Variants in TAOK2 observed in about 807,000 individuals in gnomAD.
The protein encoded by TAOK2 is TAO kinase 2.
TAOK2 carries 42 observed loss-of-function variants against 122.5 expected under a neutral mutation model. The observed-to-expected ratio is 0.34, with a 90% CI of 0.27 to 0.44. The LOEUF (loss-of-function observed/expected upper bound fraction) is 0.44, where lower values mean the gene tolerates loss of function less well. Ranked by LOEUF, TAOK2 falls within the 20% of genes least tolerant of loss-of-function variation. The pLI is 1.00. For missense variants in TAOK2, 1,264 were observed against 1,644.9 expected, an observed-to-expected ratio of 0.77 and a Z score of 4.01; for synonymous variants, 704 against 677.6, an observed-to-expected ratio of 1.04 and a Z score of -0.61.
Position 29,987,447 on chromosome 16 carries a change from C to T in TAOK2, c.3175C>T (p.Pro1059Ser). Residue 1059 changes from proline (P) to serine (S), a missense_variant, in exon 16 of 16, where the codon CCT (proline) becomes TCT (serine). Around this residue, in one of 4 missense-constraint regions of TAOK2, gnomAD observed 824 missense variants for 908.7 expected, o/e 0.91. Transcript: ENST00000308893. ...WLLAWPGLAL[P>S]LVAMAAGGRW... ...CTTAGCTTGGCCAGGCCTAGCTCTACCTCTGGTGGCTATGGCAGCGGGGGG... is the reference window on the plus strand; with the variant it reads ...CTTAGCTTGGCCAGGCCTAGCTCTATCTCTGGTGGCTATGGCAGCGGGGGG... 3 of 1,599,514 alleles carry T rather than the reference C, an allele frequency of 1.9e-6. No individual in the cohort carries two copies. Among genetic ancestry groups the T allele is most frequent in the Non-Finnish European group, 2.6e-6 (3 of 1,170,746 alleles).
Position 29,979,132 on chromosome 16 carries a change from T to G in TAOK2, c.449+62T>G. ...CTATCTGCACCACCTGTCACTTAGC[T>G]GGGCTGCCCCTGCCTAGCTTTCTTG... On this transcript the variant is annotated intron_variant, in intron 6 of 15. Transcript: ENST00000308893. The surrounding 1 kb of genome is among the most constrained non-coding windows in gnomAD (Gnocchi z 4.1). 1 of 1,613,218 alleles carries G rather than the reference T, an allele frequency of 6.2e-7. No homozygotes were observed. The highest frequency in any genetic ancestry group is 8.5e-7 in the Non-Finnish European group (1 of 1,179,188).
rs2069387530 is a variant in TAOK2, at chr16:29,974,312, G to T, written c.-372G>T. The T allele has an allele frequency of 6.5e-6, 1 of 152,672 alleles. No individual in the cohort carries two copies. The highest frequency in any genetic ancestry group is 2.4e-5 in the African/African-American group (1 of 41,450). The allele number at this position is 152,672 out of a possible 1,614,324, so 9.5% of individuals were successfully genotyped here. On this transcript the variant is annotated 5_prime_UTR_variant, in exon 1 of 16. Transcript: ENST00000308893. ...TCAAATATCAGGTTCAGGCCCCTGC[G>T]TGCACCAGTATCCGGGGTTCATTCC...
chr16:29,990,507 AT>A (rs1201170222), downstream of TAOK2: 4 of 283,602 alleles, frequency 1.4e-5, no homozygotes, highest in Non-Finnish European at 2.6e-5. Flanking sequence ...CTGTACCATA[AT>A]TTATTTAACC....
chr16:29,987,406 T>G lies in TAOK2; in HGVS notation c.3134T>G (p.Leu1045Arg). 6.2e-7 allele frequency: 1 copy of G among 1,607,016 alleles called. No homozygotes were observed. The highest frequency in any genetic ancestry group is 1.1e-5 in the South Asian group (1 of 90,656). The change falls in exon 16 of 16, where the codon CTT becomes CGT. Residue 1045 changes from leucine (L) to arginine (R), a missense_variant. Leu to Arg is a moderately radical substitution (Grantham distance 102). This residue lies in a region of TAOK2 where 824 missense variants were observed against 908.7 expected (regional missense o/e 0.91). Transcript: ENST00000308893. ...GGCCTCATGGGTGTTCCCCTGGGCC[T>G]TGGAGCTGCCTGGCTCTTAGCTTGG... Reference protein sequence around the residue: ...RRGLMGVPLGLGAAWLLAWPG... With the variant: ...RRGLMGVPLGRGAAWLLAWPG...
Position 29,979,005 on chromosome 16 carries a change from C to T in TAOK2, c.384C>T (p.Ile128=), listed in dbSNP as rs1011588271. ...VHKKPLQEVE[I]AAVTHGALQG... is the part of the protein sequence containing the mutation. ...AGAAACCCCTTCAGGAGGTAGAGAT[C>T]GCAGCTGTGACCCACGGGGCGCTTC... Residue 128 remains isoleucine, a synonymous_variant, in exon 6 of 16, where the codon ATC becomes ATT. Transcript: ENST00000308893. This position sits in a 1 kb window ranked among gnomAD's most constrained non-coding sequence, Gnocchi z 4.1. The T allele has an allele frequency of 4.0e-5, 65 of 1,614,034 alleles. No individual in the cohort carries two copies. Among genetic ancestry groups the T allele is most frequent in the Non-Finnish European group, 4.9e-5 (58 of 1,180,030 alleles).
At chr16:29,990,669 A>G, downstream of TAOK2, 1 of 986,380 alleles carries the variant, frequency 1.0e-6, no homozygotes, top group Non-Finnish European at 1.5e-6. Context: ...TTCCATTCTG[A>G]TAGATGTTGA....
In TAOK2 at chr16:29,985,461, C is replaced by G. The variant is rs1442349143; in HGVS notation, c.1671C>G (p.Ala557=). The G allele has an allele frequency of 5.6e-6, 9 of 1,612,364 alleles. No individual in the cohort carries two copies. In the African/African-American group the frequency reaches 1.2e-4, roughly 22 times the overall value. Residue 557 remains alanine, a synonymous_variant, in exon 14 of 16, where the codon GCC becomes GCG. Transcript: ENST00000308893. The surrounding 1 kb of genome is among the most constrained non-coding windows in gnomAD (Gnocchi z 6.9). ...TAGGTGAGAAGGAGGCACGAGCTGC[C>G]CAGGCCGAGGAGCGGAAGTTCCAGC... ...QAIGEKEARA[A]QAEERKFQQH... is the part of the protein sequence containing the mutation.
chr16:29,982,062 C>T (rs1484201685), intron 10 of TAOK2, 122 bp downstream of exon 10: 6 of 779,834 alleles, frequency 7.7e-6, no homozygotes, highest in Non-Finnish European at 1.3e-5. Flanking sequence ...TGAATTCCCA[C>T]CCCATCCCCA....
Position 29,986,184 on chromosome 16 carries a change from A to T in TAOK2, c.1993-81A>T, listed in dbSNP as rs2069785199. 1.3e-5 allele frequency: 19 copies of T among 1,492,758 alleles called. No individual in the cohort carries two copies. The South Asian group carries it at 2.5e-4, about 20-fold the overall frequency. The allele number at this position is 1,492,758 out of a possible 1,614,324, so 92.5% of individuals were successfully genotyped here. A position where few individuals can be genotyped will look rare whatever the true frequency, so the allele number is the denominator to read the frequency against. ...GCCCTGTGTTTCTTCCGCCATCCCC[A>T]GCTCCCTCTGCCAAGGAGCCCTGGC... is the stretch of plus-strand genomic sequence containing the variant. On this transcript the variant is annotated intron_variant, in intron 15 of 15. Coordinates refer to ENST00000308893, the MANE Select transcript of TAOK2 (RefSeq NM_016151.4). The surrounding 1 kb of genome is among the most constrained non-coding windows in gnomAD (Gnocchi z 4.2).
At chr16:29,984,528 C>T (rs574967636) in intron 13 of TAOK2, among the ~76,000 whole-genome samples, 1 of 152,074 alleles carries the variant, frequency 6.6e-6, no homozygotes, top group African/African-American at 2.4e-5. Context: ...GGTTGTGTTC[C>T]AACAATTCTT....
intron 1 of TAOK2, among the ~76,000 whole-genome samples, chr16:29,976,602 G>T (rs2069462744): frequency 6.6e-6 from 1 of 152,184 alleles, no homozygotes; most frequent in African/African-American, 2.4e-5. Flanking sequence ...CTCCTTGAGG[G>T]TTTTGGTTCT....
chr16:29,978,555 A>T (rs932510274), intron 4 of TAOK2, among the ~76,000 whole-genome samples: 2 of 152,174 alleles, frequency 1.3e-5, no homozygotes, highest in Non-Finnish European at 2.9e-5. Flanking sequence ...AGCAGGTGGG[A>T]CAGGTCACTG....
chr16:29,987,400 T>A lies in TAOK2; in HGVS notation c.3128T>A (p.Leu1043Gln). 1 of 1,607,044 alleles carries A rather than the reference T, an allele frequency of 6.2e-7. No individual in the cohort carries two copies. Among genetic ancestry groups the A allele is most frequent in the South Asian group, 1.1e-5 (1 of 90,644 alleles). ...SWRRGLMGVP[L>Q]GLGAAWLLAW... ...CGCCGAGGCCTCATGGGTGTTCCCC[T>A]GGGCCTTGGAGCTGCCTGGCTCTTA... is the stretch of plus-strand genomic sequence containing the variant. The change falls in exon 16 of 16, where the codon CTG becomes CAG. Residue 1043 changes from leucine (L) to glutamine (Q), a missense_variant. By Grantham distance (113) the Leu-to-Gln change is moderately radical. Transcript: ENST00000308893.
At chr16:29,991,058 G>A, downstream of TAOK2, 1 of 1,574,934 alleles carries the variant, frequency 6.3e-7, no homozygotes, top group Non-Finnish European at 8.6e-7. This position sits in a 1 kb window ranked among gnomAD's most constrained non-coding sequence, Gnocchi z 5.6. Flanking sequence ...TGGAAGAGGA[G>A]CTGCTGGCCC....
chr16:29,990,769 G>T (rs1033760634), downstream of TAOK2: 36 of 1,596,932 alleles, frequency 2.3e-5, no homozygotes, highest in Non-Finnish European at 3.1e-5. Context: ...ACAACTGGTT[G>T]TTCATCTTCC....
At position 29,981,231 on chromosome 16, in the gene TAOK2, T is replaced by G. The variant is rs11865096; in HGVS notation, c.656-430T>G. ...CAGCCACTTCCCTGTTTCCCTCTTA[T>G]ACCAGTTAATACTTTGATGTTATTT... is the stretch of plus-strand genomic sequence containing the variant. On this transcript the variant is annotated intron_variant, in intron 8 of 15. Transcript: ENST00000308893. 465 of 368,658 alleles carry G rather than the reference T, an allele frequency of 1.3e-3. 2 individuals carry two copies. Among genetic ancestry groups the G allele is most frequent in the African/African-American group, 8.9e-3 (432 of 48,406 alleles). The allele number at this position is 368,658 out of a possible 1,614,324, so 22.8% of individuals were successfully genotyped here.
chr16:29,990,759 A>G (rs760007461), downstream of TAOK2: 3 of 1,589,966 alleles, frequency 1.9e-6, no homozygotes, highest in East Asian at 4.5e-5. Flanking sequence ...GGAGATCCCT[A>G]CAACTGGTTG....
At position 29,978,237 on chromosome 16, in the gene TAOK2, A is replaced by C; in HGVS notation, c.205-15A>C. The C allele has an allele frequency of 1.9e-6, 3 of 1,613,948 alleles. No individual in the cohort carries two copies. Among genetic ancestry groups the C allele is most frequent in the Non-Finnish European group, 2.5e-6 (3 of 1,179,958 alleles). On this transcript the variant is annotated splice_polypyrimidine_tract_variant and intron_variant, in intron 3 of 15. Transcript: ENST00000308893. The stretch of plus-strand genomic sequence containing the variant: ...GATGCAAGCTGGGTAACCTCTGCCT[A>C]CCCTGACCCCCTAGAAATGGCAAGA...
In TAOK2 at chr16:29,988,362, A is replaced by G; in HGVS notation, c.*382A>G. The G allele has an allele frequency of 7.4e-7, 1 of 1,351,184 alleles. No individual in the cohort carries two copies. Among genetic ancestry groups the G allele is most frequent in the Non-Finnish European group, 9.7e-7 (1 of 1,029,596 alleles). 83.7% of individuals were successfully genotyped at this position (1,351,184 alleles called of 1,614,324 possible). A position where few individuals can be genotyped will look rare whatever the true frequency, so the allele number is the denominator to read the frequency against. On this transcript the variant is annotated 3_prime_UTR_variant, in exon 16 of 16. Coordinates refer to ENST00000308893, the MANE Select transcript of TAOK2 (RefSeq NM_016151.4). ...CCCTTCCCCCCACCAAAAAAAGAAA[A>G]AGACAAACACAAATAAAATATCTGA...
Sources: gnomAD v4.1 joint callset for allele counts (sites outside exome capture counted in the v4.1 genomes callset) on GRCh38, gnomAD v4.1.1 for gene constraint, gnomAD v4.1.1 regional missense constraint, Gnocchi (gnomAD v3.1) non-coding constraint, MANE v1.5 for transcripts, NCBI Gene and HGNC (gene_info 2026-07-23, HGNC 2026-07-21) for gene names.